PIK3R1: variants seen among roughly 807,000 people sequenced by gnomAD.
The protein encoded by PIK3R1 is phosphatidylinositol 3-kinase regulatory subunit alpha.
Under a neutral mutation model 98.0 loss-of-function variants are expected in PIK3R1, and 29 were observed. The ratio of observed to expected loss-of-function variants is 0.30; its 90% CI spans 0.22 to 0.40. PIK3R1 has a LOEUF of 0.40. Among genes scored for constraint, PIK3R1 ranks in the 10% least tolerant of loss-of-function variants. PIK3R1 has a pLI of 1.00. For synonymous variants in PIK3R1, 282 were observed against 311.8 expected, an observed-to-expected ratio of 0.90 and a Z score of 1.01; for missense variants, 596 against 872.7, an observed-to-expected ratio of 0.68 and a Z score of 3.99.
At chr5:68,252,513 G>A (rs1312841476) in intron 2 of PIK3R1, among the ~76,000 whole-genome samples, 1 of 152,164 alleles carries the variant, frequency 6.6e-6, no homozygotes, top group Non-Finnish European at 1.5e-5. Flanking sequence ...GGCTCAAGAT[G>A]ATAATATTGC....
intron 7 of PIK3R1, among the ~76,000 whole-genome samples, chr5:68,282,288 C>CTGG: frequency 1.3e-5 from 2 of 152,256 alleles, no homozygotes; most frequent in East Asian, 3.9e-4. Context: ...GAGCTCTGTG[C>CTGG]TGGTGTTCAG....
At position 68,298,432 on chromosome 5, in the gene PIK3R1, T is replaced by A. The variant is rs552437087; in HGVS notation, c.*831T>A. On this transcript the variant is annotated 3_prime_UTR_variant, in exon 16 of 16. Transcript: ENST00000521381. ...ATGCAATTCTTAATTTTCATTAAGT[T>A]GTTATTTCAGTTTTAAATGTACCTT... 4.7e-5 allele frequency: 11 copies of A among 233,398 alleles called. No homozygotes were observed. In the South Asian group the frequency reaches 1.8e-3, roughly 38 times the overall value. The allele number at this position is 233,398 out of a possible 1,614,324, so 14.5% of individuals were successfully genotyped here.
At chr5:68,260,599 G>C (rs1408521967) in intron 2 of PIK3R1, among the ~76,000 whole-genome samples, 1 of 152,184 alleles carries the variant, frequency 6.6e-6, no homozygotes, top group Non-Finnish European at 1.5e-5. Context: ...CTAGTTAAGT[G>C]ATCTTGGTGT....
chr5:68,273,322 C>G, intron 2 of PIK3R1, 68 bp from the exon 3 acceptor site: 1 of 1,334,646 alleles, frequency 7.5e-7, no homozygotes. Flanking sequence ...TTTTGTACGT[C>G]CTTCATTGTG....
intron 2 of PIK3R1, among the ~76,000 whole-genome samples, chr5:68,265,336 C>A (rs942996980): frequency 6.6e-6 from 1 of 152,190 alleles, no homozygotes; most frequent in Non-Finnish European, 1.5e-5. Context: ...TTCCATTCCT[C>A]TCTTTGGGTG....
At chr5:68,290,828 C>T (rs759370979) in intron 7 of PIK3R1, 5 of 1,605,220 alleles carry the variant, frequency 3.1e-6, no homozygotes, top group African/African-American at 2.7e-5. Context: ...AGAAATGGAC[C>T]CACCAGGTAA....
intron 7 of PIK3R1, among the ~76,000 whole-genome samples, chr5:68,284,604 C>T (rs745556267): frequency 2.6e-5 from 4 of 152,208 alleles, no homozygotes; most frequent in South Asian, 2.1e-4. Flanking sequence ...CAAGTTAAGT[C>T]GACCCATTCA....
intron 10 of PIK3R1, 42 bp from the exon 11 acceptor site, chr5:68,293,667 G>T: frequency 7.7e-7 from 1 of 1,306,068 alleles, no homozygotes; most frequent in South Asian, 1.3e-5. Context: ...ATTGTTATTT[G>T]ATTAAATACC....
intron 2 of PIK3R1, among the ~76,000 whole-genome samples, chr5:68,246,037 C>T (rs1484231637): frequency 6.6e-6 from 1 of 152,176 alleles, no homozygotes; most frequent in African/African-American, 2.4e-5. Context: ...CCAAAGAGAC[C>T]ACTGGAATAA....
chr5:68,250,784 G>A (rs1275849608), intron 2 of PIK3R1, among the ~76,000 whole-genome samples: 1 of 152,148 alleles, frequency 6.6e-6, no homozygotes, highest in East Asian at 1.9e-4. Flanking sequence ...CCCTTGCTTT[G>A]TTAGCAGGCC....
At chr5:68,268,158 A>C (rs908267921) in intron 2 of PIK3R1, among the ~76,000 whole-genome samples, 1 of 152,204 alleles carries the variant, frequency 6.6e-6, no homozygotes, top group Non-Finnish European at 1.5e-5. Context: ...AATGGGATTC[A>C]AGTTAACTAA....
intron 7 of PIK3R1, among the ~76,000 whole-genome samples, chr5:68,283,905 T>C (rs1451190724): frequency 6.6e-6 from 1 of 152,200 alleles, no homozygotes; most frequent in African/African-American, 2.4e-5. Flanking sequence ...GTTTCCAGCA[T>C]GTAATAAACT....
intron 2 of PIK3R1, among the ~76,000 whole-genome samples, chr5:68,247,926 G>C (rs780403096): frequency 6.6e-6 from 1 of 151,894 alleles, no homozygotes; most frequent in African/African-American, 2.4e-5. Flanking sequence ...ATGTCCTTAA[G>C]GTGCATTTGA....
At chr5:68,265,016 T>C (rs1746064835) in intron 2 of PIK3R1, among the ~76,000 whole-genome samples, 2 of 152,166 alleles carry the variant, frequency 1.3e-5, no homozygotes, top group Admixed American at 6.5e-5. Context: ...AGGTCAATCA[T>C]TGGGATTCTG....
intron 2 of PIK3R1, among the ~76,000 whole-genome samples, chr5:68,265,671 C>T (rs910852922): frequency 4.6e-5 from 7 of 152,044 alleles, no homozygotes; most frequent in African/African-American, 9.7e-5. Context: ...AGGGTCAGGG[C>T]GTCAACATGA....
intron 2 of PIK3R1, among the ~76,000 whole-genome samples, chr5:68,228,524 C>G (rs1485409582): frequency 1.3e-5 from 2 of 152,154 alleles, no homozygotes; most frequent in Non-Finnish European, 2.9e-5. Context: ...TCCGCACATA[C>G]ATAAGTGATT....
chr5:68,252,159 C>A (rs1461327271), intron 2 of PIK3R1, among the ~76,000 whole-genome samples: 1 of 152,136 alleles, frequency 6.6e-6, no homozygotes, highest in Non-Finnish European at 1.5e-5. Flanking sequence ...AGACTAAGGG[C>A]CGCATTGTAG....
At chr5:68,291,538 T>C (rs2112241250) in intron 7 of PIK3R1, 1 of 152,374 alleles carries the variant, frequency 6.6e-6, no homozygotes, top group Middle Eastern at 3.4e-3. Flanking sequence ...TATTCAGGAA[T>C]ACTGCAGTCT....
intron 2 of PIK3R1, among the ~76,000 whole-genome samples, chr5:68,262,752 C>CGTGT (rs1745863931): frequency 1.4e-5 from 2 of 140,716 alleles, no homozygotes; most frequent in African/African-American, 2.6e-5. Context: ...CATGTAGATA[C>CGTGT]ATGTATACAT....
Sources: allele counts gnomAD v4.1 joint callset (sites outside exome capture counted in the v4.1 genomes callset), GRCh38; gene constraint gnomAD v4.1.1; transcripts MANE v1.5; gene names NCBI Gene and HGNC (gene_info 2026-07-23, HGNC 2026-07-21).